The following CFAP44 variants were observed in gnomAD, a reference collection of about 807,000 sequenced individuals.
CFAP44 encodes cilia and flagella associated protein 44, also known as cilia- and flagella-associated protein 44.
CFAP44 carries 134 observed loss-of-function variants against 216.2 expected under a neutral mutation model. That is an observed-to-expected ratio of 0.62 (90% CI 0.54 to 0.72). CFAP44 has a LOEUF of 0.72. Among genes scored for constraint, CFAP44 ranks in the 30% least tolerant of loss-of-function variants. The probability of loss-of-function intolerance (pLI) is 0.00; values close to 1 mark genes in which losing one functional copy is unlikely to be tolerated. For synonymous variants in CFAP44, 700 were observed against 727.6 expected (o/e 0.96, Z 0.61); for missense variants, 2,035 against 2,182.1 (o/e 0.93, Z 1.34).
intron 15 of CFAP44, among the ~76,000 whole-genome samples, chr3:113,391,501 T>A (rs1415312481): frequency 6.6e-6 from 1 of 152,014 alleles, no homozygotes; most frequent in Non-Finnish European, 1.5e-5. Context: ...TGGAATCACA[T>A]CAACTTAAAA....
rs1409334722 is a variant in CFAP44 at position 113,330,339 on chromosome 3, C to T, written c.3945G>A (p.Gly1315=). Reference sequence around the variant, plus strand: ...ATATTGAATCACGGGTTGTCAAATCCCCATCCTTTCTAGAAGAGAGTTTGA... The same window carrying T: ...ATATTGAATCACGGGTTGTCAAATCTCCATCCTTTCTAGAAGAGAGTTTGA... ...GFLKLSSRKD[G]DLTTRDSISR... The change falls in exon 26 of 35, where the codon GGG becomes GGA. Residue 1315 remains glycine (G), a synonymous_variant. Coordinates refer to ENST00000393845, the MANE Select transcript of CFAP44 (RefSeq NM_001164496.2). The T allele has an allele frequency of 2.0e-6, 3 of 1,537,154 alleles. No individual in the cohort carries two copies. Among genetic ancestry groups the T allele is most frequent in the South Asian group, 1.2e-5 (1 of 84,058 alleles).
In CFAP44 at chr3:113,411,427, G is replaced by C. The variant is rs370109904; in HGVS notation, c.674-2105C>G. Among the ~76,000 whole-genome samples, 24 of 152,030 alleles carry C rather than the reference G, an allele frequency of 1.6e-4. No homozygotes were observed. The East Asian group carries it at 3.7e-3, about 23-fold the overall frequency. On this transcript the variant is annotated intron_variant, in intron 6 of 34. Coordinates refer to ENST00000393845, the MANE Select transcript of CFAP44 (RefSeq NM_001164496.2). ...AATCCTTTCCCCATTTCTTGTTTTT[G>C]TCAGGTTTGTCAAAGATCAGATGGT...
chr3:113,323,915 G>A (rs138567356), intron 28 of CFAP44, among the ~76,000 whole-genome samples: 3,562 of 152,028 alleles, frequency 0.023, 67 homozygotes, highest in African/African-American at 0.044. Flanking sequence ...ATGGTGGCAC[G>A]TGCCTATAGT....
At chr3:113,396,872 C>T in intron 13 of CFAP44, 145 bp from the exon 14 acceptor site, 1 of 770,690 alleles carries the variant, frequency 1.3e-6, no homozygotes, top group Non-Finnish European at 2.1e-6. Flanking sequence ...TAACCTCTAT[C>T]CATTCCAGCA....
chr3:113,371,310 C>T (rs1174087815), intron 18 of CFAP44, among the ~76,000 whole-genome samples: 2 of 152,170 alleles, frequency 1.3e-5, no homozygotes, highest in African/African-American at 4.8e-5. Context: ...GGAGGCATCA[C>T]ATTACCTGAC....
intron 28 of CFAP44, among the ~76,000 whole-genome samples, chr3:113,315,193 T>C (rs1950075611): frequency 6.6e-6 from 1 of 152,072 alleles, no homozygotes; most frequent in Non-Finnish European, 1.5e-5. Context: ...AGAAATTTAC[T>C]CCAAATCTAA....
At chr3:113,356,353 T>C (rs967042446) in intron 22 of CFAP44, among the ~76,000 whole-genome samples, 7 of 152,082 alleles carry the variant, frequency 4.6e-5, no homozygotes, top group Admixed American at 1.3e-4. Flanking sequence ...ATACAAATTT[T>C]AGCAGGCTTT....
intron 9 of CFAP44, among the ~76,000 whole-genome samples, chr3:113,403,547 G>A (rs1934196786): frequency 6.6e-6 from 1 of 152,182 alleles, no homozygotes. Context: ...CCTTTTGGAA[G>A]GATATGTGGG....
chr3:113,330,618 G>C lies in CFAP44; in HGVS notation c.3666C>G (p.Asp1222Glu), dbSNP rs567125447. 6.5e-7 allele frequency: 1 copy of C among 1,536,774 alleles called. No homozygotes were observed. Among genetic ancestry groups the C allele is most frequent in the South Asian group, 1.2e-5 (1 of 83,802 alleles). ...HMNKCILSLR[D>E]LKVAVVEEIQ... Reference sequence around the variant, plus strand: ...TTTCCTCAACAACAGCCACTTTAAGGTCTCTAAGAGAGAGAATGCACTTGT... The same window carrying C: ...TTTCCTCAACAACAGCCACTTTAAGCTCTCTAAGAGAGAGAATGCACTTGT... The change falls in exon 26 of 35, where the codon GAC becomes GAG. Residue 1222 changes from aspartate to glutamate, a missense_variant. Physicochemically the swap from Asp to Glu is conservative, Grantham distance 45. Around this residue, in one of 3 missense-constraint regions of CFAP44, gnomAD observed 1,883 missense variants for 2,023.7 expected, o/e 0.93. Transcript: ENST00000393845.
At chr3:113,365,938 G>A (rs1444360486) in intron 19 of CFAP44, 101 bp downstream of exon 19, 38 of 1,280,850 alleles carry the variant, frequency 3.0e-5, no homozygotes, top group Non-Finnish European at 4.0e-5. Flanking sequence ...TAAGGTGAAT[G>A]TGTCTAAATA....
intron 30 of CFAP44, 81 bp from the exon 31 acceptor site, chr3:113,305,233 G>A (rs142176353): frequency 2.4e-6 from 3 of 1,231,978 alleles, no homozygotes; most frequent in African/African-American, 1.5e-5. Context: ...GGCATCTTGG[G>A]AGGAAGTAAA....
At chr3:113,414,144 G>A (rs1422512556) in intron 6 of CFAP44, among the ~76,000 whole-genome samples, 3 of 152,124 alleles carry the variant, frequency 2.0e-5, no homozygotes, top group African/African-American at 7.2e-5. Context: ...GTTCATTCAT[G>A]ATTTGGCTCT....
At chr3:113,347,739 G>T (rs1251870624) in intron 22 of CFAP44, among the ~76,000 whole-genome samples, 1 of 152,140 alleles carries the variant, frequency 6.6e-6, no homozygotes, top group Admixed American at 6.5e-5. Flanking sequence ...TTCAAGTGAG[G>T]ACAAAAGGCG....
At chr3:113,363,758 T>C (rs1350719609) in intron 19 of CFAP44, among the ~76,000 whole-genome samples, 1 of 152,184 alleles carries the variant, frequency 6.6e-6, no homozygotes, top group African/African-American at 2.4e-5. Flanking sequence ...ATAGGAAAAG[T>C]CTTAACCTAA....
chr3:113,304,253 T>A (rs946954502), intron 31 of CFAP44, 136 bp from the exon 32 acceptor site: 42 of 805,998 alleles, frequency 5.2e-5, no homozygotes, highest in Admixed American at 1.2e-4. Flanking sequence ...TCTTCCTTAC[T>A]GAGTAACAGT....
At chr3:113,398,492 T>A (rs1934053179) in intron 13 of CFAP44, among the ~76,000 whole-genome samples, 1 of 152,180 alleles carries the variant, frequency 6.6e-6, no homozygotes, top group African/African-American at 2.4e-5. Context: ...AAAGGAAACA[T>A]GCTGTGAACA....
chr3:113,379,919 A>C (rs967511781), intron 16 of CFAP44, among the ~76,000 whole-genome samples: 40 of 152,178 alleles, frequency 2.6e-4, no homozygotes, highest in Admixed American at 6.5e-5. Context: ...TTTGGCCTTC[A>C]TCATCTATCA....
At chr3:113,297,546 C>T (rs904795313) in intron 32 of CFAP44, among the ~76,000 whole-genome samples, 3 of 152,158 alleles carry the variant, frequency 2.0e-5, no homozygotes, top group Non-Finnish European at 1.5e-5. Flanking sequence ...AGGCTCTTAT[C>T]CTCTAGCCAG....
At chr3:113,348,720 G>T (rs909727527) in intron 22 of CFAP44, among the ~76,000 whole-genome samples, 2 of 152,144 alleles carry the variant, frequency 1.3e-5, no homozygotes, top group African/African-American at 4.8e-5. Context: ...AGCTGTAGGG[G>T]GAGGGGAATT....
Sources: gnomAD v4.1 joint callset for allele counts (sites outside exome capture counted in the v4.1 genomes callset) on GRCh38, gnomAD v4.1.1 for gene constraint, gnomAD v4.1.1 regional missense constraint, MANE v1.5 for transcripts, NCBI Gene and HGNC (gene_info 2026-07-23, HGNC 2026-07-21) for gene names.